PAX7: variants seen among roughly 807,000 people sequenced by gnomAD.
The protein encoded by PAX7 is paired box protein Pax-7.
A neutral mutation model predicts 50.7 loss-of-function variants in PAX7; 18 were observed. That is an observed-to-expected ratio of 0.36 (90% confidence interval 0.25 to 0.53). The LOEUF (loss-of-function observed/expected upper bound fraction) is 0.53, where lower values mean the gene tolerates loss of function less well. Ranked by LOEUF, PAX7 falls within the 20% of genes least tolerant of loss-of-function variation. The probability of loss-of-function intolerance (pLI) is 0.93; values close to 1 mark genes in which losing one functional copy is unlikely to be tolerated. For missense variants in PAX7, 644 were observed against 702.9 expected, an observed-to-expected ratio of 0.92 and a Z score of 0.95; for synonymous variants, 310 against 290.4, an observed-to-expected ratio of 1.07 and a Z score of -0.69.
chr1:18,635,143 T>C lies in PAX7; in HGVS notation c.354T>C (p.Ile118=). The change falls in exon 3 of 9, where the codon ATT becomes ATC. Residue 118 remains isoleucine (I), a synonymous_variant. Transcript: ENST00000420770. ...CGACTCCGGATGTAGAGAAAAAGAT[T>C]GAGGAGTACAAGAGGGAAAACCCAG... ...QVATPDVEKK[I]EEYKRENPGM... is the part of the protein sequence containing the mutation. The C allele has an allele frequency of 6.2e-7, 1 of 1,613,704 alleles. No homozygotes were observed.
At chr1:18,732,982 G>GT (rs1478159516) in intron 7 of PAX7, among the ~76,000 whole-genome samples, 1 of 152,130 alleles carries the variant, frequency 6.6e-6, no homozygotes, top group Non-Finnish European at 1.5e-5. Flanking sequence ...GAGCCTGAGT[G>GT]TTTTTTCTGA....
At chr1:18,702,971 G>A in intron 6 of PAX7, 123 bp from the exon 7 acceptor site, 1 of 855,248 alleles carries the variant, frequency 1.2e-6, no homozygotes, top group South Asian at 1.7e-5. Context: ...ATGAGAGGGT[G>A]GTCCCTTCCC....
At chr1:18,672,117 C>A (rs2088758960) in intron 4 of PAX7, among the ~76,000 whole-genome samples, 1 of 152,026 alleles carries the variant, frequency 6.6e-6, no homozygotes, top group Admixed American at 6.5e-5. Flanking sequence ...TTGTTTCTGT[C>A]CCTCCTCATT....
intron 4 of PAX7, among the ~76,000 whole-genome samples, chr1:18,650,008 G>A (rs1190052587): frequency 2.6e-5 from 4 of 152,194 alleles, no homozygotes; most frequent in Non-Finnish European, 4.4e-5. Context: ...TACTCTGGGC[G>A]TGTGTTTAGT....
At chr1:18,725,991 TGTGCGCGCGCGCGCGTGCGCGC>T (rs1035977601) in intron 7 of PAX7, among the ~76,000 whole-genome samples, 22 of 143,330 alleles carry the variant, frequency 1.5e-4, no homozygotes, top group East Asian at 4.1e-4. Flanking sequence ...TGTGTGTGTG[TGTGCGCGCGCGCGCGTGCGCGC>T]GTGTGTGTGC....
At chr1:18,711,099 C>T (rs887553108) in intron 7 of PAX7, among the ~76,000 whole-genome samples, 4 of 152,216 alleles carry the variant, frequency 2.6e-5, no homozygotes, top group African/African-American at 9.6e-5. Flanking sequence ...GCCTCTCCCT[C>T]AGGCCCCATG....
At chr1:18,704,450 G>C (rs925671648) in intron 7 of PAX7, among the ~76,000 whole-genome samples, 1 of 152,116 alleles carries the variant, frequency 6.6e-6, no homozygotes, top group East Asian at 1.9e-4. Flanking sequence ...GTGAAACTTT[G>C]TCTCTACAGC....
Position 18,631,235 on chromosome 1 carries a change from G to GC in PAX7, c.-363dup, listed in dbSNP as rs558026798. ...CCTCGATTCCGGCCGCGTTCCCCCGGCCCCCCTCCGCCGCGGGGCCTGGTC... is the reference window on the plus strand; with the variant it reads ...CCTCGATTCCGGCCGCGTTCCCCCGGCCCCCCCTCCGCCGCGGGGCCTGGTC... On this transcript the variant is annotated 5_prime_UTR_variant, in exon 1 of 9. Coordinates refer to ENST00000420770, the MANE Select transcript of PAX7 (RefSeq NM_001135254.2). 107 of 248,878 alleles carry GC rather than the reference G, an allele frequency of 4.3e-4. 1 individual carries two copies. In the East Asian group the frequency reaches 5.9e-3, roughly 14 times the overall value. 15.4% of individuals were successfully genotyped at this position (248,878 alleles called of 1,614,324 possible).
At chr1:18,659,860 C>A (rs2088575187) in intron 4 of PAX7, among the ~76,000 whole-genome samples, 1 of 152,152 alleles carries the variant, frequency 6.6e-6, no homozygotes. Flanking sequence ...GGCTCAGGTA[C>A]CTGTCACAAG....
At chr1:18,637,775 C>T (rs1014976726) in intron 4 of PAX7, among the ~76,000 whole-genome samples, 1 of 152,264 alleles carries the variant, frequency 6.6e-6, no homozygotes, top group Non-Finnish European at 1.5e-5. Flanking sequence ...AGGGAAGGGG[C>T]GGCCATTGAC....
chr1:18,697,804 C>T (rs1173846914), intron 5 of PAX7, among the ~76,000 whole-genome samples: 1 of 152,170 alleles, frequency 6.6e-6, no homozygotes, highest in Non-Finnish European at 1.5e-5. Context: ...CCCAACCTTG[C>T]ATGTCACCCC....
Position 18,631,585 on chromosome 1 carries a change from G to T in PAX7, c.-19G>T, listed in dbSNP as rs1257455757. On this transcript the variant is annotated 5_prime_UTR_variant, in exon 1 of 9. Transcript: ENST00000420770. ...AGCGATTTTTGCCGACTTTGGATTC[G>T]TCCCCGGCGTGCGCAAGAATGGCGG... 2 of 1,607,986 alleles carry T rather than the reference G, an allele frequency of 1.2e-6. No homozygotes were observed. Among genetic ancestry groups the T allele is most frequent in the Admixed American group, 3.4e-5 (2 of 59,394 alleles).
chr1:18,673,766 A>C (rs966176637), intron 4 of PAX7, among the ~76,000 whole-genome samples: 5 of 152,312 alleles, frequency 3.3e-5, no homozygotes, highest in African/African-American at 7.2e-5. Context: ...CCCAGGGTGG[A>C]TGAGGGATTC....
intron 5 of PAX7, among the ~76,000 whole-genome samples, chr1:18,695,317 C>A (rs1420647229): frequency 6.6e-6 from 1 of 152,224 alleles, no homozygotes; most frequent in Non-Finnish European, 1.5e-5. Context: ...ATTCTAGCCA[C>A]CTTTGCAGCT....
chr1:18,655,770 GGTGTGT>G (rs549280757), intron 4 of PAX7, among the ~76,000 whole-genome samples: 6,725 of 143,642 alleles, frequency 0.047, 212 homozygotes, highest in Middle Eastern at 0.1. Flanking sequence ...ACTTGGAGAG[GGTGTGT>G]GTGTGTGTGT....
intron 7 of PAX7, among the ~76,000 whole-genome samples, chr1:18,705,400 G>T (rs515739): frequency 1.3e-5 from 2 of 151,934 alleles, no homozygotes; most frequent in African/African-American, 2.4e-5. Context: ...CAAATTTGGG[G>T]GAGTGTCCTT....
chr1:18,672,798 G>T (rs2088771724), intron 4 of PAX7, among the ~76,000 whole-genome samples: 1 of 151,852 alleles, frequency 6.6e-6, no homozygotes, highest in Admixed American at 6.6e-5. Context: ...TAGAGAGGGG[G>T]GTTTCATCAG....
At chr1:18,725,383 G>T (rs1196921073) in intron 7 of PAX7, among the ~76,000 whole-genome samples, 1 of 151,656 alleles carries the variant, frequency 6.6e-6, no homozygotes, top group African/African-American at 2.4e-5. Flanking sequence ...CTGGGCGGGG[G>T]ACCAGAGTCA....
In PAX7 at chr1:18,703,251, G is replaced by A. The variant is rs764127653; in HGVS notation, c.1110G>A (p.Ala370=). The A allele has an allele frequency of 8.7e-6, 14 of 1,614,122 alleles. No individual in the cohort carries two copies. The South Asian group carries it at 1.1e-4, about 13-fold the overall frequency. ...CTGACAGCTTCATGAATCCGGCGGCGCCCTCCAACCACATGAACCCGGTCA... is the reference window on the plus strand; with the variant it reads ...CTGACAGCTTCATGAATCCGGCGGCACCCTCCAACCACATGAACCCGGTCA... ...SYSDSFMNPA[A]PSNHMNPVSN... Residue 370 remains alanine (A), a synonymous_variant, in exon 7 of 9, where the codon GCG becomes GCA. Coordinates refer to ENST00000420770, the MANE Select transcript of PAX7 (RefSeq NM_001135254.2).
Sources: gnomAD v4.1 joint callset for allele counts (sites outside exome capture counted in the v4.1 genomes callset) on GRCh38, gnomAD v4.1.1 for gene constraint, MANE v1.5 for transcripts, NCBI Gene and HGNC (gene_info 2026-07-23, HGNC 2026-07-21) for gene names.